Variants in TFDP2 observed in about 807,000 individuals in gnomAD.
TFDP2 encodes transcription factor Dp-2 (E2F dimerization partner 2).
A neutral mutation model predicts 59.3 loss-of-function variants in TFDP2; 17 were observed. The observed-to-expected ratio is 0.29, with a 90% CI of 0.20 to 0.43. TFDP2 has a LOEUF of 0.43. TFDP2 is among the 20% of genes least tolerant of loss of function. The pLI, the probability that TFDP2 is intolerant of heterozygous loss-of-function variation, is 1.00. For missense variants in TFDP2, 391 were observed against 528.8 expected (o/e 0.74, Z 2.56); for synonymous variants, 180 against 194.7 (o/e 0.92, Z 0.63).
At chr3:142,042,703 T>C (rs1947063451) in intron 3 of TFDP2, among the ~76,000 whole-genome samples, 1 of 149,210 alleles carries the variant, frequency 6.7e-6, no homozygotes. Flanking sequence ...TATAGCTTTT[T>C]GTAGCAGTCT....
chr3:142,017,522 T>A (rs74460355), intron 3 of TFDP2, among the ~76,000 whole-genome samples: 6,329 of 150,984 alleles, frequency 0.042, 448 homozygotes, highest in African/African-American at 0.14. Context: ...ATCCTCAGCA[T>A]ATGCAAACAC....
intron 1 of TFDP2, among the ~76,000 whole-genome samples, chr3:142,145,892 T>C (rs1361867768): frequency 6.6e-6 from 1 of 152,202 alleles, no homozygotes; most frequent in Non-Finnish European, 1.5e-5. Flanking sequence ...TCCTCACATA[T>C]TCCTTATGAG....
chr3:142,020,984 CAA>C (rs11328099), intron 3 of TFDP2, among the ~76,000 whole-genome samples: 59 of 147,200 alleles, frequency 4.0e-4, no homozygotes, highest in Admixed American at 4.7e-4. Flanking sequence ...CACCCTGTCT[CAA>C]AAAAAAAAAA....
intron 2 of TFDP2, among the ~76,000 whole-genome samples, chr3:142,097,528 C>A (rs2061197751): frequency 6.6e-6 from 1 of 151,966 alleles, no homozygotes; most frequent in Non-Finnish European, 1.5e-5. Flanking sequence ...CCTGTCCCTA[C>A]AAAGAAAAGA....
In TFDP2 at chr3:141,947,843, T is replaced by A. The variant is rs1935419026; in HGVS notation, c.*4670A>T. 1 of 152,260 alleles carries A rather than the reference T, an allele frequency of 6.6e-6. No homozygotes were observed. The highest frequency in any genetic ancestry group is 1.5e-5 in the Non-Finnish European group (1 of 68,082). 9.4% of individuals were successfully genotyped at this position (152,260 alleles called of 1,614,324 possible). The stretch of plus-strand genomic sequence containing the variant: ...TAGAGACATCTGTCTTTCCACCATC[T>A]GACTCAGTAAAACTGTCTCTTTCCC... On this transcript the variant is annotated 3_prime_UTR_variant, in exon 13 of 13. Coordinates refer to ENST00000489671, the MANE Select transcript of TFDP2 (RefSeq NM_001178139.2).
Position 142,121,501 on chromosome 3 carries a change from T to C in TFDP2, c.-92-19660A>G, listed in dbSNP as rs78279457. On this transcript the variant is annotated intron_variant, in intron 1 of 12. Transcript: ENST00000489671. The surrounding 1 kb of genome is among the most constrained non-coding windows in gnomAD (Gnocchi z 4.3). ...GTTAAAATTACAGAATTAAGAACTA[T>C]GAGATGAAAATGCCATCAAACTAGA... is the stretch of plus-strand genomic sequence containing the variant. Among the ~76,000 whole-genome samples the C allele has an allele frequency of 9.0e-3, 1,370 of 152,252 alleles. 8 individuals carry two copies. Among genetic ancestry groups the C allele is most frequent in the Middle Eastern group, 0.02 (6 of 294 alleles).
At chr3:142,112,747 C>T (rs1163228711) in intron 1 of TFDP2, among the ~76,000 whole-genome samples, 2 of 152,168 alleles carry the variant, frequency 1.3e-5, no homozygotes, top group Admixed American at 6.5e-5. Context: ...TCTCAAATTT[C>T]TGGCCTTAAG....
At chr3:142,135,309 T>C (rs1403835701) in intron 1 of TFDP2, among the ~76,000 whole-genome samples, 1 of 152,090 alleles carries the variant, frequency 6.6e-6, no homozygotes, top group African/African-American at 2.4e-5. Context: ...GGAAAACTTC[T>C]AGCATTTTTC....
At chr3:142,115,879 G>A (rs2061837689) in intron 1 of TFDP2, among the ~76,000 whole-genome samples, 1 of 152,012 alleles carries the variant, frequency 6.6e-6, no homozygotes. Context: ...TATACACAAA[G>A]ACACACCAAA....
chr3:142,149,433 GCTGCGGCAGCGCCGCAGC>G lies in TFDP2; in HGVS notation c.-361_-344del. ...CAGGGCGCGCCCCGCGGGCCGGGCA[GCTGCGGCAGCGCCGCAGC>G]CGAGATCGCTACCGATTTCGTCCGC... is the stretch of plus-strand genomic sequence containing the variant. On this transcript the variant is annotated 5_prime_UTR_variant, in exon 1 of 13. Transcript: ENST00000489671. The G allele has an allele frequency of 5.2e-6, 2 of 382,038 alleles. No individual in the cohort carries two copies. The highest frequency in any genetic ancestry group is 7.4e-5 in the East Asian group (2 of 26,964). The allele number at this position is 382,038 out of a possible 1,614,324, so 23.7% of individuals were successfully genotyped here.
rs548449626 is a variant in TFDP2 at position 141,950,264 on chromosome 3, C to T, written c.*2249G>A. ...TAAAGGCAAGATTTTACTCCAGCGA[C>T]ATGTACTGGTGACCATGATGTCACT... On this transcript the variant is annotated 3_prime_UTR_variant, in exon 13 of 13. Transcript: ENST00000489671. The T allele has an allele frequency of 1.3e-5, 2 of 152,332 alleles. No homozygotes were observed. The highest frequency in any genetic ancestry group is 6.5e-5 in the Admixed American group (1 of 15,296). 9.4% of individuals were successfully genotyped at this position (152,332 alleles called of 1,614,324 possible). A position where few individuals can be genotyped will look rare whatever the true frequency, so the allele number is the denominator to read the frequency against.
intron 1 of TFDP2, among the ~76,000 whole-genome samples, chr3:142,133,655 C>G (rs1314338709): frequency 3.9e-5 from 6 of 151,916 alleles, no homozygotes. Flanking sequence ...TGCCATCACA[C>G]CTGGCTAATC....
chr3:141,982,927 C>G (rs1353298451), intron 6 of TFDP2, among the ~76,000 whole-genome samples: 1 of 152,276 alleles, frequency 6.6e-6, no homozygotes, highest in East Asian at 1.9e-4. Context: ...TAACTCTGAT[C>G]CACAGTCCTT....
At chr3:142,059,233 C>T (rs1461248362) in intron 3 of TFDP2, among the ~76,000 whole-genome samples, 1 of 152,112 alleles carries the variant, frequency 6.6e-6, no homozygotes, top group Admixed American at 6.5e-5. Context: ...CAGGCCTAAG[C>T]CTCATGCATT....
chr3:142,133,394 AT>A (rs1237904633), intron 1 of TFDP2, among the ~76,000 whole-genome samples: 1 of 148,464 alleles, frequency 6.7e-6, no homozygotes, highest in Non-Finnish European at 1.5e-5. Flanking sequence ...TATTTTTTGT[AT>A]TTTTAGTAGA....
chr3:142,038,822 T>C (rs1446885994), intron 3 of TFDP2, among the ~76,000 whole-genome samples: 1 of 152,238 alleles, frequency 6.6e-6, no homozygotes, highest in African/African-American at 2.4e-5. Flanking sequence ...ATCTACAGAA[T>C]ATCACCATAC....
intron 7 of TFDP2, among the ~76,000 whole-genome samples, chr3:141,975,354 A>T (rs1940467583): frequency 6.6e-6 from 1 of 151,030 alleles, no homozygotes; most frequent in Non-Finnish European, 1.5e-5. Flanking sequence ...CTAGATCTAA[A>T]TAAGTGGGGG....
intron 1 of TFDP2, 86 bp downstream of exon 1, chr3:142,149,097 C>T (rs1398919430): frequency 7.6e-6 from 3 of 396,850 alleles, no homozygotes; most frequent in South Asian, 1.3e-4. Flanking sequence ...CCCCTGTGCG[C>T]AGGGAGGGAA....
chr3:142,100,062 A>G (rs1226028788), intron 2 of TFDP2, among the ~76,000 whole-genome samples: 2 of 152,244 alleles, frequency 1.3e-5, no homozygotes, highest in Non-Finnish European at 2.9e-5. Context: ...TGCATGTTAA[A>G]AGCAATGTTC....
Sources: allele counts gnomAD v4.1 joint callset (sites outside exome capture counted in the v4.1 genomes callset), GRCh38; gene constraint gnomAD v4.1.1; non-coding constraint Gnocchi (gnomAD v3.1); transcripts MANE v1.5; gene names NCBI Gene and HGNC (gene_info 2026-07-23, HGNC 2026-07-21).